The following MFAP5 variants were observed in gnomAD, a reference collection of about 807,000 sequenced individuals.
The protein encoded by MFAP5 is microfibril associated protein 5.
Under a neutral mutation model 30.1 loss-of-function variants are expected in MFAP5, and 19 were observed. That is an observed-to-expected ratio of 0.63 (90% CI 0.44 to 0.93). MFAP5 has a LOEUF of 0.93. MFAP5 is among the 40% of genes least tolerant of loss of function. MFAP5 has a pLI of 0.00. For synonymous variants in MFAP5, 92 were observed against 72.9 expected (o/e 1.26, Z -1.33); for missense variants, 210 against 221.3 (o/e 0.95, Z 0.32).
At chr12:8,649,736 C>T (rs184131115) in intron 8 of MFAP5, among the ~76,000 whole-genome samples, 162 bp from the exon 9 acceptor site, 1 of 152,256 alleles carries the variant, frequency 6.6e-6, no homozygotes, top group East Asian at 1.9e-4. Flanking sequence ...CTTTTGCCCC[C>T]CAACTGGAAA....
At chr12:8,662,404 T>G in intron 1 of MFAP5, 1 of 309,408 alleles carries the variant, frequency 3.2e-6, no homozygotes, top group South Asian at 5.8e-5. Context: ...TTTGGCCTCT[T>G]TCACCCCTGA....
At chr12:8,651,607 A>C in intron 7 of MFAP5, 55 bp downstream of exon 7, 5 of 1,560,770 alleles carry the variant, frequency 3.2e-6, no homozygotes, top group Non-Finnish European at 4.4e-6. Flanking sequence ...CAAGGAGGTA[A>C]GGAATCCACA....
chr12:8,650,181 T>C (rs1229625361), intron 8 of MFAP5, among the ~76,000 whole-genome samples: 4 of 152,202 alleles, frequency 2.6e-5, no homozygotes, highest in Non-Finnish European at 4.4e-5. Flanking sequence ...CCCACTATTT[T>C]CTACCTTAGA....
intron 9 of MFAP5, 69 bp downstream of exon 9, chr12:8,649,432 T>C: frequency 1.4e-6 from 2 of 1,405,646 alleles, no homozygotes; most frequent in Non-Finnish European, 2.0e-6. Flanking sequence ...TTGGATATAG[T>C]AATATCATGT....
rs1024355705 is a variant in MFAP5 at position 8,655,960 on chromosome 12, T to C, written c.95-130A>G. The C allele has an allele frequency of 6.8e-6, 5 of 733,726 alleles. No homozygotes were observed. The African/African-American group carries it at 8.7e-5, about 13-fold the overall frequency. The allele number at this position is 733,726 out of a possible 1,614,324, so 45.5% of individuals were successfully genotyped here. On this transcript the variant is annotated intron_variant, in intron 3 of 9. Coordinates refer to ENST00000359478, the MANE Select transcript of MFAP5 (RefSeq NM_003480.4). The stretch of plus-strand genomic sequence containing the variant: ...TATCCCACAAATGTTTTTCCTTGAC[T>C]GCTTACAATAATGACAAACGATTGA...
At chr12:8,660,837 G>A (rs1390239202) in intron 3 of MFAP5, 26 bp downstream of exon 3, 1 of 1,600,962 alleles carries the variant, frequency 6.2e-7, no homozygotes, top group Admixed American at 1.7e-5. Context: ...AACCCCAACA[G>A]AGCCGCTATC....
chr12:8,655,235 A>G (rs1428543584), intron 5 of MFAP5, among the ~76,000 whole-genome samples, 180 bp downstream of exon 5: 1 of 151,654 alleles, frequency 6.6e-6, no homozygotes, highest in Non-Finnish European at 1.5e-5. Flanking sequence ...GCCATGAACC[A>G]AAATTGTGCC....
chr12:8,647,929 T>A lies in MFAP5; in HGVS notation c.*162A>T. On this transcript the variant is annotated 3_prime_UTR_variant, in exon 10 of 10. Transcript: ENST00000359478. Reference sequence around the variant, plus strand: ...GTGCTAGAAAATGAGATAAATGTTATCAGTTTGGGTGAAAAAGTAGAGAGT... The same window carrying A: ...GTGCTAGAAAATGAGATAAATGTTAACAGTTTGGGTGAAAAAGTAGAGAGT... 1 of 519,030 alleles carries A rather than the reference T, an allele frequency of 1.9e-6. No individual in the cohort carries two copies. The highest frequency in any genetic ancestry group is 3.5e-6 in the Non-Finnish European group (1 of 287,672). The allele number at this position is 519,030 out of a possible 1,614,324, so 32.2% of individuals were successfully genotyped here. A position where few individuals can be genotyped will look rare whatever the true frequency, so the allele number is the denominator to read the frequency against.
chr12:8,658,992 CTTT>C (rs71045203), intron 3 of MFAP5, among the ~76,000 whole-genome samples: 3 of 123,738 alleles, frequency 2.4e-5, no homozygotes, highest in Non-Finnish European at 5.0e-5. Flanking sequence ...CCACACCTGG[CTTT>C]TTTTTTTTTT....
chr12:8,662,269 C>T, intron 1 of MFAP5, 163 bp from the exon 2 acceptor site: 2 of 594,670 alleles, frequency 3.4e-6, no homozygotes, highest in East Asian at 2.9e-5. Context: ...TTACCTTTCA[C>T]CCAACATTCA....
chr12:8,651,822 G>C, intron 6 of MFAP5, 131 bp from the exon 7 acceptor site: 1 of 798,332 alleles, frequency 1.3e-6, no homozygotes, highest in Admixed American at 2.1e-5. Context: ...ATAACTCTTA[G>C]CAACTTCTAA....
intron 3 of MFAP5, among the ~76,000 whole-genome samples, chr12:8,656,666 A>ATTTTTTTT (rs1465516929): frequency 3.5e-4 from 42 of 121,314 alleles, no homozygotes; most frequent in African/African-American, 1.4e-3. Flanking sequence ...ATATATATAT[A>ATTTTTTTT]TATTTTTTTT....
rs1942193614 is a variant in MFAP5 at position 8,662,726 on chromosome 12, A to G, written c.-102T>C. 1 of 152,546 alleles carries G rather than the reference A, an allele frequency of 6.6e-6. No individual in the cohort carries two copies. The highest frequency in any genetic ancestry group is 1.5e-5 in the Non-Finnish European group (1 of 68,312). The allele number at this position is 152,546 out of a possible 1,614,324, so 9.4% of individuals were successfully genotyped here. On this transcript the variant is annotated 5_prime_UTR_variant, in exon 1 of 10. Transcript: ENST00000359478. ...ACTTTGGCTGGCGAATAAGATGAAC[A>G]GAGCCACTCCCTGGAAAGGACTTCA...
intron 6 of MFAP5, 62 bp from the exon 7 acceptor site, chr12:8,651,753 C>T: frequency 1.4e-6 from 2 of 1,477,348 alleles, no homozygotes; most frequent in Non-Finnish European, 1.9e-6. Context: ...TCTGTAACTG[C>T]CACACTGCCT....
chr12:8,654,377 G>A, intron 6 of MFAP5, 60 bp downstream of exon 6: 1 of 1,484,580 alleles, frequency 6.7e-7, no homozygotes, highest in South Asian at 1.2e-5. Flanking sequence ...TATCCAGAAT[G>A]GGCTCTGGGG....
In MFAP5 at chr12:8,655,816, C is replaced by T. The variant is rs2136471443; in HGVS notation, c.109G>A (p.Ala37Thr). The change falls in exon 4 of 10, where the codon GCG becomes ACG. Residue 37 changes from alanine (A) to threonine (T), a missense_variant. Physicochemically the swap from Ala to Thr is moderately conservative, Grantham distance 58. Transcript: ENST00000359478. ...NSQRGDDVTQATPETFTEDPN... is the reference protein window; with the variant it reads ...NSQRGDDVTQTTPETFTEDPN... ...TCTTCTGTGAATGTTTCTGGAGTCG[C>T]TTGAGTCACATCGTCTGAAAAGAAA... The T allele has an allele frequency of 6.2e-7, 1 of 1,611,896 alleles. No homozygotes were observed. Among genetic ancestry groups the T allele is most frequent in the African/African-American group, 1.3e-5 (1 of 75,046 alleles).
intron 3 of MFAP5, among the ~76,000 whole-genome samples, chr12:8,656,866 C>A (rs767891434): frequency 6.6e-6 from 1 of 152,012 alleles, no homozygotes; most frequent in African/African-American, 2.4e-5. Flanking sequence ...TGGGGTTTCA[C>A]CATATTGGCC....
rs202210095 is a variant in MFAP5, at chr12:8,660,851, G to C, written c.94+12C>G. The C allele has an allele frequency of 7.5e-6, 12 of 1,609,316 alleles. No individual in the cohort carries two copies. Among genetic ancestry groups the C allele is most frequent in the Non-Finnish European group, 1.0e-5 (12 of 1,176,462 alleles). ...GAACCCCAACAGAGCCGCTATCCAA[G>C]GGTTCACCTACCTCCTCGTTGACTA... On this transcript the variant is annotated intron_variant, in intron 3 of 9. Coordinates refer to ENST00000359478, the MANE Select transcript of MFAP5 (RefSeq NM_003480.4).
chr12:8,655,331 C>G (rs1941951538), intron 5 of MFAP5, 84 bp downstream of exon 5: 2 of 1,226,418 alleles, frequency 1.6e-6, no homozygotes, highest in South Asian at 1.4e-5. Flanking sequence ...TATAAAAGCA[C>G]AGAATGAATT....
Sources: allele counts gnomAD v4.1 joint callset (sites outside exome capture counted in the v4.1 genomes callset), GRCh38; gene constraint gnomAD v4.1.1; transcripts MANE v1.5; gene names NCBI Gene and HGNC (gene_info 2026-07-23, HGNC 2026-07-21).